Variants in OTUD7A observed in about 807,000 individuals in gnomAD.
OTUD7A encodes the protein OTU deubiquitinase 7A, also known as OTU domain-containing protein 7A.
Under a neutral mutation model 65.7 loss-of-function variants are expected in OTUD7A, and 12 were observed. That is an observed-to-expected ratio of 0.18 (90% CI 0.12 to 0.30). The LOEUF is 0.30. Ranked by LOEUF, OTUD7A falls within the 10% of genes least tolerant of loss-of-function variation. The pLI is 1.00. For missense variants in OTUD7A, 1,148 were observed against 1,304.8 expected, an observed-to-expected ratio of 0.88 and a Z score of 1.85; for synonymous variants, 641 against 586.3, an observed-to-expected ratio of 1.09 and a Z score of -1.35.
At chr15:31,566,874 G>T (rs1360574498) in intron 4 of OTUD7A, among the ~76,000 whole-genome samples, 1 of 152,150 alleles carries the variant, frequency 6.6e-6, no homozygotes, top group Non-Finnish European at 1.5e-5. Context: ...AGCTTCCTGA[G>T]GCCTCCCCAG....
chr15:31,729,771 T>C (rs1248026201), intron 1 of OTUD7A, among the ~76,000 whole-genome samples: 1 of 152,192 alleles, frequency 6.6e-6, no homozygotes, highest in African/African-American at 2.4e-5. Flanking sequence ...CAAACGATGG[T>C]TGCAGCTGTA....
chr15:31,574,620 T>C (rs1055419540), intron 3 of OTUD7A, among the ~76,000 whole-genome samples: 2 of 152,226 alleles, frequency 1.3e-5, no homozygotes, highest in African/African-American at 4.8e-5. Flanking sequence ...AACCACTTTA[T>C]AAGGCAAAAC....
intron 1 of OTUD7A, among the ~76,000 whole-genome samples, chr15:31,815,804 T>C (rs1165568932): frequency 6.6e-6 from 1 of 152,194 alleles, no homozygotes; most frequent in African/African-American, 2.4e-5. Context: ...ACGCATTCGG[T>C]AACAATAATG....
chr15:31,860,503 T>C lies in OTUD7A; in HGVS notation c.-100+10004A>G, dbSNP rs1054385619. On this transcript the variant is annotated intron_variant, in intron 1 of 12. Coordinates refer to ENST00000307050, the MANE Select transcript of OTUD7A (RefSeq NM_001382637.1). Reference sequence around the variant, plus strand: ...GCCTCAGAGATGTAATAAAAAATAATGCATGAGCTTCTCCTCAAGGGCTTA... The same window carrying C: ...GCCTCAGAGATGTAATAAAAAATAACGCATGAGCTTCTCCTCAAGGGCTTA... 6.9e-4 allele frequency among the ~76,000 whole-genome samples: 105 copies of C among 151,176 alleles called. 1 individual carries two copies. Among genetic ancestry groups the C allele is most frequent in the African/African-American group, 2.5e-3 (101 of 41,058 alleles).
intron 1 of OTUD7A, among the ~76,000 whole-genome samples, chr15:31,853,935 T>C (rs1567056608): frequency 6.6e-6 from 1 of 152,194 alleles, no homozygotes; most frequent in Non-Finnish European, 1.5e-5. Context: ...CAAATGCAGA[T>C]GCCTGAGAAA....
intron 10 of OTUD7A, among the ~76,000 whole-genome samples, chr15:31,496,366 C>T (rs2041384020): frequency 6.6e-6 from 1 of 152,042 alleles, no homozygotes; most frequent in Non-Finnish European, 1.5e-5. Context: ...GGACTACAGG[C>T]ACCTGCCACC....
intron 1 of OTUD7A, chr15:31,787,360 A>G (rs1178495152): frequency 6.6e-6 from 1 of 152,230 alleles, no homozygotes; most frequent in Non-Finnish European, 1.5e-5. Context: ...AATTTTCCAA[A>G]TTTGGAACCA....
intron 1 of OTUD7A, among the ~76,000 whole-genome samples, chr15:31,806,140 T>C (rs1390495505): frequency 6.6e-6 from 1 of 152,220 alleles, no homozygotes; most frequent in Non-Finnish European, 1.5e-5. Flanking sequence ...TGGAAGTTTA[T>C]TCAGTCCAGA....
At chr15:31,743,084 C>T (rs1894385893) in intron 1 of OTUD7A, among the ~76,000 whole-genome samples, 1 of 152,080 alleles carries the variant, frequency 6.6e-6, no homozygotes, top group South Asian at 2.1e-4. Flanking sequence ...AAGACCAGAA[C>T]ATCATCAACA....
At chr15:31,668,657 A>G (rs978064684) in intron 1 of OTUD7A, among the ~76,000 whole-genome samples, 18 of 152,056 alleles carry the variant, frequency 1.2e-4, no homozygotes, top group Non-Finnish European at 2.2e-4. Flanking sequence ...GGTAAATCAG[A>G]GATTTCTTCT....
chr15:31,651,474 A>C (rs1891833503), intron 3 of OTUD7A, among the ~76,000 whole-genome samples: 1 of 152,008 alleles, frequency 6.6e-6, no homozygotes, highest in South Asian at 2.1e-4. Flanking sequence ...TCAGTGAAAT[A>C]AGACAAGAAA....
At chr15:31,809,392 T>C (rs1265553633) in intron 1 of OTUD7A, among the ~76,000 whole-genome samples, 1 of 152,206 alleles carries the variant, frequency 6.6e-6, no homozygotes, top group African/African-American at 2.4e-5. Flanking sequence ...TTACTGCGTC[T>C]AGCGTTGGGC....
chr15:31,666,162 C>T (rs751974719), intron 1 of OTUD7A, among the ~76,000 whole-genome samples: 3 of 152,114 alleles, frequency 2.0e-5, no homozygotes, highest in African/African-American at 2.4e-5. Flanking sequence ...TAGGGTGAGG[C>T]TAGCTTCATA....
chr15:31,687,580 G>C (rs1892868012), intron 1 of OTUD7A, among the ~76,000 whole-genome samples: 1 of 152,186 alleles, frequency 6.6e-6, no homozygotes, highest in Admixed American at 6.5e-5. Flanking sequence ...CTGAAGGTTT[G>C]TGAGGAGAAA....
chr15:31,517,615 C>T (rs74741875), intron 8 of OTUD7A, among the ~76,000 whole-genome samples: 1 of 152,278 alleles, frequency 6.6e-6, no homozygotes, highest in African/African-American at 2.4e-5. Context: ...GCTTTGGGCC[C>T]CACACACTGA....
At chr15:31,555,137 C>A (rs900239861) in intron 5 of OTUD7A, among the ~76,000 whole-genome samples, 2 of 152,108 alleles carry the variant, frequency 1.3e-5, no homozygotes, top group Admixed American at 1.3e-4. Context: ...GAATCAGGCC[C>A]CAGGATGGAC....
chr15:31,490,974 C>G (rs985438426), intron 10 of OTUD7A, among the ~76,000 whole-genome samples: 5 of 152,186 alleles, frequency 3.3e-5, no homozygotes, highest in African/African-American at 9.6e-5. Context: ...GCTATCATAA[C>G]TAGACTGGTC....
At chr15:31,693,530 T>C (rs888334039) in intron 1 of OTUD7A, among the ~76,000 whole-genome samples, 2 of 151,902 alleles carry the variant, frequency 1.3e-5, no homozygotes, top group African/African-American at 4.8e-5. Flanking sequence ...GTATTCTGGC[T>C]CTGAAATGCA....
At chr15:31,607,709 T>G (rs143105010) in intron 3 of OTUD7A, among the ~76,000 whole-genome samples, 296 of 152,310 alleles carry the variant, frequency 1.9e-3, no homozygotes, top group African/African-American at 6.6e-3. Flanking sequence ...ATACTTAGTA[T>G]TGTGTTACAA....
Sources: gnomAD v4.1 joint callset for allele counts (sites outside exome capture counted in the v4.1 genomes callset) on GRCh38, gnomAD v4.1.1 for gene constraint, MANE v1.5 for transcripts, NCBI Gene and HGNC (gene_info 2026-07-23, HGNC 2026-07-21) for gene names.